Variants in TNNI3K observed in about 807,000 individuals in gnomAD.
TNNI3K encodes the protein serine/threonine-protein kinase TNNI3K.
A neutral mutation model predicts 114.5 loss-of-function variants in TNNI3K; 140 were observed. The ratio of observed to expected loss-of-function variants is 1.22; its 90% CI spans 1.07 to 1.41. The LOEUF is 1.41. Ranked by LOEUF, TNNI3K falls within the 40% of genes most tolerant of loss-of-function variation. TNNI3K has a pLI of 0.00. For synonymous variants in TNNI3K, 347 were observed against 347.5 expected (o/e 1.00, Z 0.02); for missense variants, 1,125 against 1,007.6 (o/e 1.12, Z -1.58).
At chr1:74,483,314 A>ACATG in intron 21 of TNNI3K, 1 of 717,554 alleles carries the variant, frequency 1.4e-6, no homozygotes, top group Non-Finnish European at 2.6e-6. Context: ...TGCACACCAC[A>ACATG]CATGACTCAG....
chr1:74,402,020 A>C (rs1478535028), intron 17 of TNNI3K: 2 of 249,186 alleles, frequency 8.0e-6, no homozygotes, highest in African/African-American at 4.7e-5. Flanking sequence ...TTGAATAATA[A>C]ACTTAAGTTG....
At chr1:74,499,494 A>G (rs189628622) in intron 23 of TNNI3K, among the ~76,000 whole-genome samples, 144 of 152,262 alleles carry the variant, frequency 9.5e-4, no homozygotes, top group African/African-American at 3.4e-3. Context: ...ATTATTGTCA[A>G]TCTCTCATTG....
rs45457895 is a variant in TNNI3K at position 74,333,172 on chromosome 1, G to T, written c.543+1624G>T. 4.8e-3 allele frequency among the ~76,000 whole-genome samples: 737 copies of T among 152,260 alleles called. 6 individuals are homozygous for T. Among genetic ancestry groups the T allele is most frequent in the African/African-American group, 0.017 (694 of 41,562 alleles). On this transcript the variant is annotated intron_variant, in intron 6 of 24. Coordinates refer to ENST00000326637, the MANE Select transcript of TNNI3K (RefSeq NM_015978.3). ...TCCAAGTTGAAGATCAAACTTACTT[G>T]TGTCCCTGTGCTCAATAGTCATTGT...
chr1:74,319,644 G>A (rs532532037), intron 5 of TNNI3K, among the ~76,000 whole-genome samples: 41 of 152,168 alleles, frequency 2.7e-4, no homozygotes, highest in African/African-American at 9.6e-4. Flanking sequence ...AAGTAGATAT[G>A]GTAGCAATGC....
intron 21 of TNNI3K, among the ~76,000 whole-genome samples, chr1:74,484,056 G>A (rs1668630743): frequency 6.6e-6 from 1 of 151,914 alleles, no homozygotes; most frequent in Non-Finnish European, 1.5e-5. Flanking sequence ...ACAGTACAGA[G>A]TATTATAAGA....
chr1:74,344,217 G>C (rs755956587), intron 9 of TNNI3K, among the ~76,000 whole-genome samples: 11 of 152,134 alleles, frequency 7.2e-5, no homozygotes, highest in Non-Finnish European at 1.2e-4. Context: ...AGTCAAACAA[G>C]GGTGAAGTAA....
chr1:74,527,707 G>A (rs1484871329), intron 23 of TNNI3K, among the ~76,000 whole-genome samples: 2 of 152,158 alleles, frequency 1.3e-5, no homozygotes, highest in East Asian at 3.9e-4. Context: ...AATCAGGGAG[G>A]TGACATAATC....
chr1:74,313,843 A>G (rs1570454003), intron 5 of TNNI3K, among the ~76,000 whole-genome samples: 1 of 152,138 alleles, frequency 6.6e-6, no homozygotes, highest in East Asian at 1.9e-4. Flanking sequence ...CTTTATTATT[A>G]TATCATCAAA....
At chr1:74,331,599 CT>C in intron 6 of TNNI3K, 51 bp downstream of exon 6, 1 of 1,505,178 alleles carries the variant, frequency 6.6e-7, no homozygotes, top group South Asian at 1.2e-5. Flanking sequence ...TAAGTGTAGG[CT>C]TTTGTTGAAT....
intron 5 of TNNI3K, among the ~76,000 whole-genome samples, chr1:74,312,090 C>T (rs994298306): frequency 6.6e-6 from 1 of 152,126 alleles, no homozygotes; most frequent in Non-Finnish European, 1.5e-5. Flanking sequence ...GGTTACTATA[C>T]TTCTTGGGTT....
chr1:74,314,435 C>A (rs1359910467), intron 5 of TNNI3K, among the ~76,000 whole-genome samples: 2 of 151,950 alleles, frequency 1.3e-5, no homozygotes, highest in Admixed American at 6.6e-5. Context: ...ATCTCATTTG[C>A]ATATTATTGA....
In TNNI3K at chr1:74,451,728, TTTCTTTCTTTCTTTC is replaced by T. The variant is rs773810482; in HGVS notation, c.2012-11710_2012-11696del. Among the ~76,000 whole-genome samples the T allele has an allele frequency of 1.8e-3, 133 of 73,486 alleles. 1 individual carries two copies. The highest frequency in any genetic ancestry group is 5.8e-3 in the African/African-American group (109 of 18,636). The allele number at this position is 73,486 out of a possible 152,430, so 48.2% of individuals were successfully genotyped here. A position where few individuals can be genotyped will look rare whatever the true frequency, so the allele number is the denominator to read the frequency against. On this transcript the variant is annotated intron_variant, in intron 20 of 24. Transcript: ENST00000326637. ...CTTTCTTTCTTTCTTTCTTTCTTTC[TTTCTTTCTTTCTTTC>T]TTTCTTTTCTTTTCTTTTCTTTTCT...
intron 7 of TNNI3K, among the ~76,000 whole-genome samples, chr1:74,339,106 A>G (rs1275041798): frequency 6.6e-6 from 1 of 152,116 alleles, no homozygotes. Context: ...TAGTGTCAAA[A>G]TGAATGTCAT....
At chr1:74,498,217 A>G (rs1204382101) in intron 23 of TNNI3K, among the ~76,000 whole-genome samples, 1 of 152,188 alleles carries the variant, frequency 6.6e-6, no homozygotes, top group African/African-American at 2.4e-5. Flanking sequence ...CCATCAACCT[A>G]TCACTGTATC....
chr1:74,355,528 C>T (rs1035794239), intron 11 of TNNI3K, among the ~76,000 whole-genome samples: 8 of 151,894 alleles, frequency 5.3e-5, no homozygotes, highest in African/African-American at 7.3e-5. Context: ...CATTTGAACC[C>T]GGGAGGCAGA....
intron 21 of TNNI3K, among the ~76,000 whole-genome samples, chr1:74,477,645 T>C (rs1234933024): frequency 2.0e-5 from 3 of 152,198 alleles, no homozygotes; most frequent in Non-Finnish European, 4.4e-5. Flanking sequence ...TCTAATTGTG[T>C]CTGAATGGCA....
At chr1:74,465,547 C>T (rs758718707) in intron 21 of TNNI3K, among the ~76,000 whole-genome samples, 4 of 151,806 alleles carry the variant, frequency 2.6e-5, no homozygotes, top group Non-Finnish European at 4.4e-5. Flanking sequence ...CCCCCCCAAC[C>T]GTGGGCTCCT....
At chr1:74,443,168 G>T (rs900282447) in intron 20 of TNNI3K, among the ~76,000 whole-genome samples, 58 of 151,744 alleles carry the variant, frequency 3.8e-4, no homozygotes, top group African/African-American at 1.4e-3. Context: ...ACATCAGAGT[G>T]AACTGAAGGA....
intron 4 of TNNI3K, among the ~76,000 whole-genome samples, chr1:74,255,464 G>A (rs1211179204): frequency 6.6e-6 from 1 of 151,978 alleles, no homozygotes. Flanking sequence ...GTTCACTCTG[G>A]TTCGAACGCC....
Sources: allele counts gnomAD v4.1 joint callset (sites outside exome capture counted in the v4.1 genomes callset), GRCh38; gene constraint gnomAD v4.1.1; transcripts MANE v1.5; gene names NCBI Gene and HGNC (gene_info 2026-07-23, HGNC 2026-07-21).